VPS13B: variants seen among roughly 807,000 people sequenced by gnomAD.
VPS13B encodes intermembrane lipid transfer protein VPS13B.
In VPS13B, 285 loss-of-function variants were observed where a neutral mutation model predicts 426.4. The ratio of observed to expected loss-of-function variants is 0.67; its 90% CI spans 0.61 to 0.74. The LOEUF is 0.74. VPS13B is among the 30% of genes least tolerant of loss of function. VPS13B has a pLI of 0.00. For missense variants in VPS13B, 4,537 were observed against 4,782.6 expected (o/e 0.95, Z 1.51); for synonymous variants, 1,676 against 1,676.4 (o/e 1.00, Z 0.01).
chr8:99,531,105 T>G (rs888152245), intron 30 of VPS13B, among the ~76,000 whole-genome samples: 14 of 152,214 alleles, frequency 9.2e-5, no homozygotes, highest in Non-Finnish European at 1.5e-4. Context: ...CTTAAAATAG[T>G]CTTAGCTAGG....
At chr8:99,348,746 T>C (rs1316004266) in intron 19 of VPS13B, among the ~76,000 whole-genome samples, 1 of 152,212 alleles carries the variant, frequency 6.6e-6, no homozygotes, top group African/African-American at 2.4e-5. Flanking sequence ...TATTTTTCAG[T>C]AATTTATAGT....
intron 17 of VPS13B, among the ~76,000 whole-genome samples, chr8:99,200,908 A>G (rs1160842460): frequency 6.6e-6 from 1 of 151,978 alleles, no homozygotes; most frequent in Non-Finnish European, 1.5e-5. Flanking sequence ...TCTTCTTTAC[A>G]TTGGACCTTG....
rs111908815 is a variant in VPS13B at position 99,755,410 on chromosome 8, A to G, written c.7051-11364A>G. Among the ~76,000 whole-genome samples the G allele has an allele frequency of 8.0e-3, 1,222 of 152,340 alleles. 16 individuals are homozygous for G. The highest frequency in any genetic ancestry group is 0.028 in the African/African-American group (1,155 of 41,580). On this transcript the variant is annotated intron_variant, in intron 39 of 61. Coordinates refer to ENST00000357162, the MANE Select transcript of VPS13B (RefSeq NM_152564.5). ...CTTCAGTGGCCACACAATGAAAATT[A>G]CAAACTTCACAAAATTAGCTCATAA...
intron 19 of VPS13B, chr8:99,348,141 C>T (rs933895793): frequency 2.6e-5 from 4 of 152,236 alleles, no homozygotes; most frequent in Admixed American, 1.3e-4. Flanking sequence ...TTCAATCATT[C>T]GTTAACACTG....
At chr8:99,498,308 A>C (rs1298939221) in intron 25 of VPS13B, among the ~76,000 whole-genome samples, 2 of 152,106 alleles carry the variant, frequency 1.3e-5, no homozygotes, top group South Asian at 2.1e-4. Context: ...CTATTAAAAC[A>C]TTGTTTTTCT....
chr8:99,739,743 A>G (rs1404206400), intron 39 of VPS13B, among the ~76,000 whole-genome samples: 4 of 152,246 alleles, frequency 2.6e-5, no homozygotes, highest in African/African-American at 9.6e-5. Flanking sequence ...AAACTCCAAC[A>G]GACCTGCAGC....
chr8:99,830,921 G>T (rs569753627), intron 51 of VPS13B, among the ~76,000 whole-genome samples: 3 of 151,790 alleles, frequency 2.0e-5, no homozygotes, highest in Non-Finnish European at 2.9e-5. Flanking sequence ...CACCCTCCTT[G>T]GGCTGCACCC....
At chr8:99,225,435 C>A (rs1265907169) in intron 17 of VPS13B, among the ~76,000 whole-genome samples, 4 of 152,088 alleles carry the variant, frequency 2.6e-5, no homozygotes, top group Non-Finnish European at 5.9e-5. Context: ...CACCACCACG[C>A]CCGGCTAATG....
intron 19 of VPS13B, among the ~76,000 whole-genome samples, chr8:99,350,077 T>C (rs1811793114): frequency 6.6e-6 from 1 of 152,180 alleles, no homozygotes; most frequent in Non-Finnish European, 1.5e-5. Flanking sequence ...AAAACTTTCT[T>C]CAATAAGTGA....
rs764630440 is a variant in VPS13B at position 99,766,888 on chromosome 8, G to A, written c.7165G>A (p.Val2389Met). Reference protein sequence around the residue: ...CELQLPDINLVNDQKKLVSSD... With the variant: ...CELQLPDINLMNDQKKLVSSD... ...ACTGCAGTTGCCGGATATCAATCTC[G>A]TGAATGACCAGAAGAAATTAGTATC... The change falls in exon 40 of 62, where the codon GTG (valine) becomes ATG (methionine). Residue 2389 changes from valine (V) to methionine (M), a missense_variant. Coordinates refer to ENST00000357162, the MANE Select transcript of VPS13B (RefSeq NM_152564.5). 7.4e-6 allele frequency: 12 copies of A among 1,613,876 alleles called. No homozygotes were observed. Among genetic ancestry groups the A allele is most frequent in the East Asian group, 4.5e-5 (2 of 44,834 alleles).
chr8:99,336,849 A>G (rs1393733861), intron 19 of VPS13B, among the ~76,000 whole-genome samples: 1 of 152,170 alleles, frequency 6.6e-6, no homozygotes, highest in East Asian at 1.9e-4. Flanking sequence ...CGATCATTAA[A>G]AAGTCAGGAA....
At chr8:99,657,538 C>T (rs1830067932) in intron 34 of VPS13B, among the ~76,000 whole-genome samples, 1 of 147,244 alleles carries the variant, frequency 6.8e-6, no homozygotes, top group South Asian at 2.2e-4. Flanking sequence ...GAATCTGTGT[C>T]CTATTTCATT....
intron 33 of VPS13B, among the ~76,000 whole-genome samples, chr8:99,592,842 G>A (rs1826762541): frequency 6.6e-6 from 1 of 152,112 alleles, no homozygotes; most frequent in African/African-American, 2.4e-5. Flanking sequence ...AAATGGTGCT[G>A]GGAGTGCTGG....
chr8:99,275,015 A>G, intron 18 of VPS13B, 66 bp from the exon 19 acceptor site: 1 of 1,387,578 alleles, frequency 7.2e-7, no homozygotes, highest in Non-Finnish European at 9.7e-7. Flanking sequence ...GTATATTTTA[A>G]AATCAAACAT....
intron 19 of VPS13B, among the ~76,000 whole-genome samples, chr8:99,366,386 G>A (rs1225945324): frequency 6.6e-6 from 1 of 151,736 alleles, no homozygotes; most frequent in African/African-American, 2.4e-5. Flanking sequence ...GTATTTTGTC[G>A]GATATAATAT....
At chr8:99,289,074 G>T (rs13279237) in intron 19 of VPS13B, among the ~76,000 whole-genome samples, 1 of 88,012 alleles carries the variant, frequency 1.1e-5, no homozygotes, top group African/African-American at 3.8e-5. Context: ...AAAGAAGGAA[G>T]GAAGGAAGGA....
chr8:99,416,104 A>T (rs974268297), intron 21 of VPS13B, among the ~76,000 whole-genome samples: 1 of 152,150 alleles, frequency 6.6e-6, no homozygotes, highest in African/African-American at 2.4e-5. Flanking sequence ...TCTTTCAGAG[A>T]TGCTCTGCAC....
chr8:99,394,483 A>T (rs2133319767), intron 21 of VPS13B, among the ~76,000 whole-genome samples: 1 of 152,266 alleles, frequency 6.6e-6, no homozygotes, highest in East Asian at 1.9e-4. Flanking sequence ...TATTTCAATG[A>T]TATAGTCATG....
intron 34 of VPS13B, among the ~76,000 whole-genome samples, chr8:99,652,042 G>A (rs1413012430): frequency 6.6e-6 from 1 of 152,144 alleles, no homozygotes; most frequent in African/African-American, 2.4e-5. Context: ...GTATCATACT[G>A]AAAAAGTAGG....
Sources: gnomAD v4.1 joint callset for allele counts (sites outside exome capture counted in the v4.1 genomes callset) on GRCh38, gnomAD v4.1.1 for gene constraint, MANE v1.5 for transcripts, NCBI Gene and HGNC (gene_info 2026-07-23, HGNC 2026-07-21) for gene names.